Variants in EIF4G1 observed in about 807,000 individuals in gnomAD.
EIF4G1 encodes the protein EIF4-gamma.
In EIF4G1, 4 loss-of-function variants were observed where a neutral mutation model predicts 187.8. The ratio of observed to expected loss-of-function variants is 0.02; its 90% CI spans 0.01 to 0.05. EIF4G1 has a LOEUF of 0.05. Among genes scored for constraint, EIF4G1 ranks in the 10% least tolerant of loss-of-function variants. The pLI is 1.00. For missense variants in EIF4G1, 1,647 were observed against 2,081.1 expected, an observed-to-expected ratio of 0.79 and a Z score of 4.06; for synonymous variants, 844 against 781.4, an observed-to-expected ratio of 1.08 and a Z score of -1.34.
chr3:184,330,770 CTCGCTG>C (rs1725905899), intron 28 of EIF4G1, among the ~76,000 whole-genome samples: 1 of 152,118 alleles, frequency 6.6e-6, no homozygotes, highest in Middle Eastern at 3.4e-3. Flanking sequence ...GAGACAGAGT[CTCGCTG>C]TGTCGCCCAG....
chr3:184,316,308 C>G (rs1329154428), intron 4 of EIF4G1, 90 bp downstream of exon 4: 2 of 1,511,670 alleles, frequency 1.3e-6, no homozygotes, highest in Admixed American at 3.8e-5. Flanking sequence ...AACTGGAGGC[C>G]CCATACCTGG....
chr3:184,319,556 G>A (rs576831525), intron 6 of EIF4G1, 133 bp from the exon 7 acceptor site: 2 of 700,998 alleles, frequency 2.9e-6, no homozygotes, highest in East Asian at 2.7e-5. Flanking sequence ...TGGGGGAGGA[G>A]GGCAGGGCAG....
rs762235187 is a variant in EIF4G1 at position 184,332,010 on chromosome 3, C to T, written c.4542C>T (p.Tyr1514=). 1.2e-6 allele frequency: 2 copies of T among 1,614,198 alleles called. No homozygotes were observed. Among genetic ancestry groups the T allele is most frequent in the South Asian group, 2.2e-5 (2 of 91,082 alleles). The part of the protein sequence containing the change: ...LKARAKLLQK[Y]LCDEQKELQA... ...CGCGAGCGAAGCTGCTGCAGAAATA[C>T]CTGTGTGACGAGCAGAAGGAGCTAC... The change falls in exon 32 of 33, where the codon TAC becomes TAT. Residue 1514 remains tyrosine (Y), a synonymous_variant. Coordinates refer to ENST00000346169, the MANE Select transcript of EIF4G1 (RefSeq NM_198241.3).
rs773323486 is a variant in EIF4G1 at position 184,321,817 on chromosome 3, A to G, written c.1233A>G (p.Pro411=). The G allele has an allele frequency of 6.2e-7, 1 of 1,614,040 alleles. No homozygotes were observed. The highest frequency in any genetic ancestry group is 2.2e-5 in the East Asian group (1 of 44,882). ...TGCTCAACGGAGCCCCCTCGCCACC[A>G]GCTGTGGACTTAAGCCCAGTCAGTG... The part of the protein sequence containing the change: ...EELLNGAPSP[P]AVDLSPVSEP... Residue 411 remains proline, a synonymous_variant, in exon 10 of 33, where the codon CCA becomes CCG. Coordinates refer to ENST00000346169, the MANE Select transcript of EIF4G1 (RefSeq NM_198241.3).
rs199692911 is a variant in EIF4G1 at position 184,320,946 on chromosome 3, C to G, written c.650C>G (p.Pro217Arg). Residue 217 changes from proline (P) to arginine (R), a missense_variant, in exon 9 of 33, where the codon CCT (proline) becomes CGT (arginine). Coordinates refer to ENST00000346169, the MANE Select transcript of EIF4G1 (RefSeq NM_198241.3). ...CTGCAGACGGGAGGCGGTCTGGAGC[C>G]TCAAGCTAATGGGGAGACGCCCCAG... Reference protein sequence around the residue: ...TPPQTGGGLEPQANGETPQVA... With the variant: ...TPPQTGGGLERQANGETPQVA... 1.9e-6 allele frequency: 3 copies of G among 1,614,054 alleles called. No homozygotes were observed. Among genetic ancestry groups the G allele is most frequent in the Non-Finnish European group, 2.5e-6 (3 of 1,180,040 alleles).
In EIF4G1 at chr3:184,325,521, C is replaced by G. The variant is rs759879950; in HGVS notation, c.3003C>G (p.Thr1001=). Residue 1001 remains threonine (T), a synonymous_variant, in exon 20 of 33, where the codon ACC becomes ACG. Transcript: ENST00000346169. This position sits in a 1 kb window ranked among gnomAD's most constrained non-coding sequence, Gnocchi z 5.2. ...GCCGAGGGGATCAGGGTCCCAAGAC[C>G]ATTGACCAGATCCATAAGGAGGCTG... ...VPRRGDQGPK[T]IDQIHKEAEM... is the part of the protein sequence containing the mutation. The G allele has an allele frequency of 6.2e-7, 1 of 1,614,148 alleles. No homozygotes were observed. The highest frequency in any genetic ancestry group is 1.1e-5 in the South Asian group (1 of 91,084).
chr3:184,325,127 G>C lies in EIF4G1; in HGVS notation c.2856+13G>C, dbSNP rs1435157054. 6.2e-7 allele frequency: 1 copy of C among 1,613,354 alleles called. No individual in the cohort carries two copies. The highest frequency in any genetic ancestry group is 1.7e-5 in the Admixed American group (1 of 60,018). On this transcript the variant is annotated intron_variant, in intron 18 of 32. Coordinates refer to ENST00000346169, the MANE Select transcript of EIF4G1 (RefSeq NM_198241.3). The surrounding 1 kb of genome is among the most constrained non-coding windows in gnomAD (Gnocchi z 5.2). ...TGAAAAAGCCAAGGTAGAGGTCCTT[G>C]CATCTGGAGGGGGATGGGCTGAAGC...
intron 32 of EIF4G1, among the ~76,000 whole-genome samples, chr3:184,333,958 C>T (rs1388878806): frequency 2.0e-5 from 3 of 152,074 alleles, no homozygotes; most frequent in Non-Finnish European, 4.4e-5. Flanking sequence ...TGACTGTGCC[C>T]CTAGGCAGTT....
At position 184,325,244 on chromosome 3, in the gene EIF4G1, G is replaced by A. The variant is rs907721563; in HGVS notation, c.2857-25G>A. ...TATAGGTGGGACATGAGAAGTTCCT[G>A]GTCTGATGCCTTTCTCCTTCCTAGC... On this transcript the variant is annotated intron_variant, in intron 18 of 32. Transcript: ENST00000346169. The surrounding 1 kb of genome is among the most constrained non-coding windows in gnomAD (Gnocchi z 5.2). 1 of 1,613,092 alleles carries A rather than the reference G, an allele frequency of 6.2e-7. No homozygotes were observed. The highest frequency in any genetic ancestry group is 8.5e-7 in the Non-Finnish European group (1 of 1,179,124).
Position 184,326,423 on chromosome 3 carries a change from C to A in EIF4G1, c.3223-104C>A, listed in dbSNP as rs1408696044. 6.7e-6 allele frequency: 8 copies of A among 1,198,862 alleles called. No individual in the cohort carries two copies. The Admixed American group carries it at 1.4e-4, about 20-fold the overall frequency. 74.3% of individuals were successfully genotyped at this position (1,198,862 alleles called of 1,614,324 possible). The stretch of plus-strand genomic sequence containing the variant: ...CCTTTATTAAAAAAGATTTTCTGAC[C>A]CCTGGACTGGGCCATTCACTACCTG... On this transcript the variant is annotated intron_variant, in intron 21 of 32. Transcript: ENST00000346169.
In EIF4G1 at chr3:184,325,825, C is replaced by G. The variant is rs184078840; in HGVS notation, c.3122-26C>G. On this transcript the variant is annotated intron_variant, in intron 20 of 32. Coordinates refer to ENST00000346169, the MANE Select transcript of EIF4G1 (RefSeq NM_198241.3). The surrounding 1 kb of genome is among the most constrained non-coding windows in gnomAD (Gnocchi z 5.2). Reference sequence around the variant, plus strand: ...GGGCTGCTAGGATTTATTCATTATTCCAGTATGCCCCTCTTTTTGTGTCAG... The same window carrying G: ...GGGCTGCTAGGATTTATTCATTATTGCAGTATGCCCCTCTTTTTGTGTCAG... The G allele has an allele frequency of 6.2e-7, 1 of 1,613,768 alleles. No individual in the cohort carries two copies. Among genetic ancestry groups the G allele is most frequent in the Non-Finnish European group, 8.5e-7 (1 of 1,179,826 alleles).
intron 22 of EIF4G1, 82 bp downstream of exon 22, chr3:184,326,711 C>T: frequency 6.5e-7 from 1 of 1,540,088 alleles, no homozygotes; most frequent in South Asian, 1.1e-5. Context: ...GGGAGGCCTT[C>T]AGTACAAGGT....
chr3:184,319,516 T>C, intron 6 of EIF4G1, 173 bp from the exon 7 acceptor site: 1 of 612,784 alleles, frequency 1.6e-6, no homozygotes, highest in Non-Finnish European at 3.1e-6. Context: ...TTCAGACTGG[T>C]TCCCCAGCTT....
Position 184,323,145 on chromosome 3 carries a change from A to G in EIF4G1, c.1992A>G (p.Pro664=). Residue 664 remains proline, a synonymous_variant, in exon 14 of 33, where the codon CCA becomes CCG. Transcript: ENST00000346169. This position sits in a 1 kb window ranked among gnomAD's most constrained non-coding sequence, Gnocchi z 6.9. ...PTRLQGINCG[P]DFTPSFANLG... ...GACTACAAGGCATAAATTGTGGCCC[A>G]GACTTCACTCCATCCTTTGCCAACC... 6.2e-7 allele frequency: 1 copy of G among 1,614,236 alleles called. No individual in the cohort carries two copies. Among genetic ancestry groups the G allele is most frequent in the Non-Finnish European group, 8.5e-7 (1 of 1,180,038 alleles).
chr3:184,331,491 G>A lies in EIF4G1; in HGVS notation c.4280G>A (p.Gly1427Glu), dbSNP rs1325849818. ...VAEQKVEYTL[G>E]EESEAPGQRA... ...TTGCAGAAGGTGGAGTATACCCTGG[G>A]AGAGGAGTCGGAAGCCCCTGGCCAG... The change falls in exon 30 of 33, where the codon GGA becomes GAA. Residue 1427 changes from glycine (G) to glutamate (E), a missense_variant. Coordinates refer to ENST00000346169, the MANE Select transcript of EIF4G1 (RefSeq NM_198241.3). 2 of 1,614,100 alleles carry A rather than the reference G, an allele frequency of 1.2e-6. No individual in the cohort carries two copies. The highest frequency in any genetic ancestry group is 1.6e-4 in the Middle Eastern group (1 of 6,082).
In EIF4G1 at chr3:184,324,235, C is replaced by G; in HGVS notation, c.2507C>G (p.Thr836Ser). 1 of 1,614,236 alleles carries G rather than the reference C, an allele frequency of 6.2e-7. No homozygotes were observed. The highest frequency in any genetic ancestry group is 8.5e-7 in the Non-Finnish European group (1 of 1,180,038). Residue 836 changes from threonine to serine, a missense_variant, in exon 17 of 33, where the codon ACT (threonine) becomes AGT (serine). Thr to Ser is a moderately conservative substitution (Grantham distance 58, BLOSUM62 1). Transcript: ENST00000346169. ...KVPTTEKPTV[T>S]VNFRKLLLNR... ...CCCACTACGGAAAAGCCAACAGTGA[C>G]TGTGAACTTCCGAAAGCTGTTGTTG... is the stretch of plus-strand genomic sequence containing the variant.
At position 184,326,515 on chromosome 3, in the gene EIF4G1, TTTC is replaced by T. The variant is rs750661523; in HGVS notation, c.3223-5_3223-3del. ...GTTGGACCTATGATTCTACTCCCCT[TTTC>T]TTCTTCAGCCTGGCTCCATCGATTC... On this transcript the variant is annotated splice_polypyrimidine_tract_variant and intron_variant, in intron 21 of 32. Transcript: ENST00000346169. 126 of 1,613,842 alleles carry T rather than the reference TTTC, an allele frequency of 7.8e-5. No homozygotes were observed. Among genetic ancestry groups the T allele is most frequent in the Non-Finnish European group, 1.0e-4 (119 of 1,180,018 alleles).
In EIF4G1 at chr3:184,324,406, G is replaced by A; in HGVS notation, c.2619+59G>A. ...ACTTACCTCCTTCCCTTACCCAGATGCTACTCAGCTGTAGAATTTGGAATG... is the reference window on the plus strand; with the variant it reads ...ACTTACCTCCTTCCCTTACCCAGATACTACTCAGCTGTAGAATTTGGAATG... On this transcript the variant is annotated intron_variant, in intron 17 of 32. Coordinates refer to ENST00000346169, the MANE Select transcript of EIF4G1 (RefSeq NM_198241.3). 6 of 1,610,826 alleles carry A rather than the reference G, an allele frequency of 3.7e-6. No individual in the cohort carries two copies. In the East Asian group the frequency reaches 8.9e-5, roughly 24 times the overall value.
intron 6 of EIF4G1, 59 bp downstream of exon 6, chr3:184,317,875 T>A (rs570138881): frequency 7.7e-7 from 1 of 1,294,434 alleles, no homozygotes; most frequent in Non-Finnish European, 1.1e-6. Flanking sequence ...TAAACTCATC[T>A]GCTGATTTCT....
Sources: allele counts gnomAD v4.1 joint callset (sites outside exome capture counted in the v4.1 genomes callset), GRCh38; gene constraint gnomAD v4.1.1; non-coding constraint Gnocchi (gnomAD v3.1); transcripts MANE v1.5; gene names NCBI Gene and HGNC (gene_info 2026-07-23, HGNC 2026-07-21).